The following REEP1 variants were observed in gnomAD, a reference collection of about 807,000 sequenced individuals.
The protein encoded by REEP1 is receptor expression-enhancing protein 1.
Under a neutral mutation model 40.3 loss-of-function variants are expected in REEP1, and 22 were observed. The ratio of observed to expected loss-of-function variants is 0.55; its 90% CI spans 0.39 to 0.78. The LOEUF (loss-of-function observed/expected upper bound fraction) is 0.78, where lower values mean the gene tolerates loss of function less well. Among genes scored for constraint, REEP1 ranks in the 30% least tolerant of loss-of-function variants. REEP1 has a pLI of 0.00. For missense variants in REEP1, 280 were observed against 361.1 expected (o/e 0.78, Z 1.82); for synonymous variants, 116 against 139.2 (o/e 0.83, Z 1.17).
Position 86,214,595 on chromosome 2 carries a change from T to G in REEP1, c.*2444A>C, listed in dbSNP as rs1392327551. ...CTAGACAGAACACCACACCACTACA[T>G]GTACACTTACAGGCTTTCACATTTT... On this transcript the variant is annotated 3_prime_UTR_variant, in exon 9 of 9. Transcript: ENST00000538924. 1 of 152,668 alleles carries G rather than the reference T, an allele frequency of 6.6e-6. No homozygotes were observed. The highest frequency in any genetic ancestry group is 6.5e-5 in the Admixed American group (1 of 15,282). 9.5% of individuals were successfully genotyped at this position (152,668 alleles called of 1,614,324 possible).
rs1674039678 is a variant in REEP1, at chr2:86,215,164, C to T, written c.*1875G>A. 1 of 151,610 alleles carries T rather than the reference C, an allele frequency of 6.6e-6. No individual in the cohort carries two copies. The highest frequency in any genetic ancestry group is 2.1e-4 in the South Asian group (1 of 4,818). 9.4% of individuals were successfully genotyped at this position (151,610 alleles called of 1,614,324 possible). A position where few individuals can be genotyped will look rare whatever the true frequency, so the allele number is the denominator to read the frequency against. Reference sequence around the variant, plus strand: ...GCACAAAGAAAACATTTTCTGTCTTCCTTAACAGATTTAGGTATTGGTGGG... The same window carrying T: ...GCACAAAGAAAACATTTTCTGTCTTTCTTAACAGATTTAGGTATTGGTGGG... On this transcript the variant is annotated 3_prime_UTR_variant, in exon 9 of 9. Coordinates refer to ENST00000538924, the MANE Select transcript of REEP1 (RefSeq NM_001371279.1).
At chr2:86,309,142 C>T (rs1400850306) in intron 1 of REEP1, among the ~76,000 whole-genome samples, 1 of 152,250 alleles carries the variant, frequency 6.6e-6, no homozygotes, top group Non-Finnish European at 1.5e-5. Context: ...GGGGGAATTA[C>T]ATTTCTCTCT....
At chr2:86,329,215 G>A (rs1181238286) in intron 1 of REEP1, among the ~76,000 whole-genome samples, 1 of 152,176 alleles carries the variant, frequency 6.6e-6, no homozygotes, top group Non-Finnish European at 1.5e-5. Flanking sequence ...TCTGCCAGTG[G>A]AGTTTGGGGT....
At chr2:86,229,710 A>G (rs1437598025) in intron 6 of REEP1, among the ~76,000 whole-genome samples, 1 of 149,988 alleles carries the variant, frequency 6.7e-6, no homozygotes, top group Non-Finnish European at 1.5e-5. Flanking sequence ...CCCCGATTCA[A>G]GCGATTCTCC....
intron 1 of REEP1, among the ~76,000 whole-genome samples, chr2:86,305,936 C>T (rs548492709): frequency 1.3e-5 from 2 of 152,340 alleles, no homozygotes; most frequent in Admixed American, 1.3e-4. Flanking sequence ...GGCCACTCGC[C>T]TGCTCGTAAC....
At chr2:86,217,168 G>T in intron 8 of REEP1, 58 bp from the exon 9 acceptor site, 1 of 1,441,672 alleles carries the variant, frequency 6.9e-7, no homozygotes, top group Non-Finnish European at 9.8e-7. Context: ...GATCTTTTGA[G>T]GTCAGCACCT....
intron 2 of REEP1, among the ~76,000 whole-genome samples, chr2:86,278,260 A>G (rs572241314): frequency 6.6e-6 from 1 of 152,328 alleles, no homozygotes; most frequent in East Asian, 1.9e-4. Flanking sequence ...ATAGATTTTA[A>G]TATTTTAAGT....
At chr2:86,267,953 TA>T (rs563171875) in intron 2 of REEP1, among the ~76,000 whole-genome samples, 2,744 of 144,980 alleles carry the variant, frequency 0.019, 60 homozygotes, top group African/African-American at 0.055. Flanking sequence ...ATTTGTGACT[TA>T]AAAAAAAAAA....
At chr2:86,228,623 T>C (rs941334626) in intron 6 of REEP1, among the ~76,000 whole-genome samples, 3 of 152,136 alleles carry the variant, frequency 2.0e-5, no homozygotes, top group African/African-American at 7.2e-5. Flanking sequence ...CACGCCCAGC[T>C]AATTTTGTAT....
At chr2:86,269,830 T>C (rs956155859) in intron 2 of REEP1, among the ~76,000 whole-genome samples, 58 of 151,642 alleles carry the variant, frequency 3.8e-4, no homozygotes, top group Admixed American at 3.0e-3. Context: ...AAAGCACTTA[T>C]ATTTAAAATA....
At chr2:86,238,523 T>G (rs1213741596) in intron 5 of REEP1, among the ~76,000 whole-genome samples, 3 of 152,234 alleles carry the variant, frequency 2.0e-5, no homozygotes, top group Admixed American at 1.3e-4. Flanking sequence ...AGGAGTTGCA[T>G]GAATGAACGT....
At chr2:86,267,728 T>C (rs555396691) in intron 2 of REEP1, among the ~76,000 whole-genome samples, 2 of 152,072 alleles carry the variant, frequency 1.3e-5, no homozygotes, top group East Asian at 3.9e-4. Flanking sequence ...AAAAACTGTT[T>C]TGCTTCAAAG....
rs919032010 is a variant in REEP1, at chr2:86,337,256, C to A, written c.32+223G>T. ...CCCTCGCCGTCCCGGCCCAGCCCCC[C>A]GCAAGCGGCCGCCGGCGCCGGCTGC... On this transcript the variant is annotated intron_variant, in intron 1 of 8. Transcript: ENST00000538924. This position sits in a 1 kb window ranked among gnomAD's most constrained non-coding sequence, Gnocchi z 5.8. The A allele has an allele frequency of 7.4e-5, 19 of 255,786 alleles. No individual in the cohort carries two copies. Among genetic ancestry groups the A allele is most frequent in the Non-Finnish European group, 1.3e-4 (18 of 136,570 alleles). The allele number at this position is 255,786 out of a possible 1,614,324, so 15.8% of individuals were successfully genotyped here.
intron 7 of REEP1, among the ~76,000 whole-genome samples, chr2:86,225,745 A>AT (rs1440993688): frequency 2.0e-5 from 3 of 152,214 alleles, no homozygotes; most frequent in African/African-American, 4.8e-5. Flanking sequence ...CAAAAGCTAT[A>AT]TTAGGCACCT....
rs926526687 is a variant in REEP1, at chr2:86,216,080, G to A, written c.*959C>T. ...TTCGCTAAAACAAGGTGCTCAGAGT[G>A]TAAGCTCCTCTGTCAGGAAATCGGC... On this transcript the variant is annotated 3_prime_UTR_variant, in exon 9 of 9. Transcript: ENST00000538924. The A allele has an allele frequency of 6.6e-6, 1 of 152,244 alleles. No homozygotes were observed. Among genetic ancestry groups the A allele is most frequent in the Non-Finnish European group, 1.5e-5 (1 of 68,048 alleles). 9.4% of individuals were successfully genotyped at this position (152,244 alleles called of 1,614,324 possible).
At chr2:86,287,578 A>G (rs969140053) in intron 1 of REEP1, among the ~76,000 whole-genome samples, 1 of 152,260 alleles carries the variant, frequency 6.6e-6, no homozygotes, top group Non-Finnish European at 1.5e-5. Context: ...TTCTAAAAAC[A>G]TATAAATCCA....
At chr2:86,220,696 T>G (rs1674367258) in intron 7 of REEP1, among the ~76,000 whole-genome samples, 2 of 107,874 alleles carry the variant, frequency 1.9e-5, no homozygotes, top group South Asian at 4.1e-4. Flanking sequence ...AGCTATATAG[T>G]TTTTTTGTTT....
intron 5 of REEP1, among the ~76,000 whole-genome samples, chr2:86,234,967 T>C (rs1574009269): frequency 6.6e-6 from 1 of 152,254 alleles, no homozygotes; most frequent in African/African-American, 2.4e-5. Context: ...AACTTGATTC[T>C]GAAATGAGTG....
chr2:86,284,979 GGTCA>G (rs1470132573), intron 1 of REEP1, among the ~76,000 whole-genome samples: 1 of 152,206 alleles, frequency 6.6e-6, no homozygotes, highest in Non-Finnish European at 1.5e-5. Flanking sequence ...GGATGAAAAT[GGTCA>G]GTTCTTCTTA....
Sources: allele counts gnomAD v4.1 joint callset (sites outside exome capture counted in the v4.1 genomes callset), GRCh38; gene constraint gnomAD v4.1.1; non-coding constraint Gnocchi (gnomAD v3.1); transcripts MANE v1.5; gene names NCBI Gene and HGNC (gene_info 2026-07-23, HGNC 2026-07-21).